The following DIAPH2 variants were observed in gnomAD, a reference collection of about 807,000 sequenced individuals.
The protein encoded by DIAPH2 is diaphanous related formin 2.
A neutral mutation model predicts 92.7 loss-of-function variants in DIAPH2; 35 were observed. The ratio of observed to expected loss-of-function variants is 0.38; its 90% CI spans 0.29 to 0.50. The LOEUF is 0.50. DIAPH2 is among the 20% of genes least tolerant of loss of function. The pLI, the probability that DIAPH2 is intolerant of heterozygous loss-of-function variation, is 0.94. For synonymous variants in DIAPH2, 301 were observed against 280.4 expected (o/e 1.07, Z -0.73); for missense variants, 701 against 819.5 (o/e 0.86, Z 1.77).
intron 23 of DIAPH2, among the ~76,000 whole-genome samples, chrX:97,277,557 C>A (rs770729208): frequency 9.0e-6 from 1 of 110,760 alleles, no homozygotes; most frequent in Admixed American, 9.7e-5. Context: ...TCCAGCTGTA[C>A]AGACTGTATA....
intron 26 of DIAPH2, among the ~76,000 whole-genome samples, chrX:97,502,776 C>A (rs1424597605): frequency 8.9e-6 from 1 of 112,590 alleles, no homozygotes; most frequent in East Asian, 2.8e-4. Flanking sequence ...TCAAATATTT[C>A]CAAAACGTAT....
chrX:96,789,452 C>T (rs1602508710), intron 4 of DIAPH2, among the ~76,000 whole-genome samples: 1 of 112,101 alleles, frequency 8.9e-6, no homozygotes, highest in Non-Finnish European at 1.9e-5. Flanking sequence ...TTCCCAGATA[C>T]CAGCCAAGGG....
intron 15 of DIAPH2, among the ~76,000 whole-genome samples, chrX:96,950,743 T>C (rs1184040236): frequency 8.9e-6 from 1 of 111,952 alleles, no homozygotes; most frequent in Non-Finnish European, 1.9e-5. Flanking sequence ...TTGTTGCCTG[T>C]TGCAGACAGG....
At chrX:97,086,639 A>G (rs2066785063) in intron 19 of DIAPH2, among the ~76,000 whole-genome samples, 1 of 92,576 alleles carries the variant, frequency 1.1e-5, no homozygotes, top group Admixed American at 1.2e-4. Context: ...CATTTTGTAC[A>G]CCATAAATAT....
intron 25 of DIAPH2, among the ~76,000 whole-genome samples, chrX:97,387,822 A>G (rs190527188): frequency 8.9e-6 from 1 of 111,909 alleles, no homozygotes; most frequent in Admixed American, 9.5e-5. Flanking sequence ...GTTAAAGAAG[A>G]TGGTATGCTT....
chrX:97,568,230 T>G (rs2071341591), intron 26 of DIAPH2, among the ~76,000 whole-genome samples: 1 of 110,253 alleles, frequency 9.1e-6, no homozygotes, highest in Non-Finnish European at 1.9e-5. Flanking sequence ...TCTACTACTT[T>G]AATAATTTCA....
intron 19 of DIAPH2, among the ~76,000 whole-genome samples, chrX:97,088,273 A>G (rs1460852582): frequency 8.9e-6 from 1 of 111,797 alleles, no homozygotes; most frequent in African/African-American, 3.2e-5. Flanking sequence ...CTTTTAAAAT[A>G]TGACTTAAAA....
chrX:97,408,829 A>G (rs1419089482), intron 25 of DIAPH2, among the ~76,000 whole-genome samples: 1 of 112,088 alleles, frequency 8.9e-6, no homozygotes, highest in Non-Finnish European at 1.9e-5. Flanking sequence ...GGGAAGATGT[A>G]TAGGTGTGAA....
intron 22 of DIAPH2, among the ~76,000 whole-genome samples, chrX:97,163,831 G>T (rs192279971): frequency 0.011 from 1,199 of 112,197 alleles, 2 homozygotes; most frequent in Middle Eastern, 0.023. Context: ...GCTACTTTCT[G>T]TCTGGCCCCT....
At chrX:96,853,692 C>G (rs2147715121) in intron 4 of DIAPH2, among the ~76,000 whole-genome samples, 1 of 111,997 alleles carries the variant, frequency 8.9e-6, no homozygotes. Flanking sequence ...GTAAAACTTT[C>G]TTAAGCATTA....
intron 17 of DIAPH2, among the ~76,000 whole-genome samples, chrX:97,002,030 G>T (rs1217581345): frequency 9.1e-6 from 1 of 110,290 alleles, no homozygotes; most frequent in African/African-American, 3.3e-5. Flanking sequence ...AAAGGTGATG[G>T]ACAAATACTG....
chrX:97,476,984 T>TACACACAC lies in DIAPH2; in HGVS notation c.3241+47273_3241+47280dup, dbSNP rs1190615516. Among the ~76,000 whole-genome samples the TACACACAC allele has an allele frequency of 7.2e-4, 41 of 57,070 alleles. 1 individual carries two copies. Among genetic ancestry groups the TACACACAC allele is most frequent in the African/African-American group, 3.1e-3 (36 of 11,664 alleles). 49.6% of individuals were successfully genotyped at this position (57,070 alleles called of 115,157 possible). A position where few individuals can be genotyped will look rare whatever the true frequency, so the allele number is the denominator to read the frequency against. ...AAAAAAAAAAATATATATATATATA[T>TACACACAC]ACACACACACACACACACACACACA... On this transcript the variant is annotated intron_variant, in intron 26 of 26. Transcript: ENST00000324765.
chrX:97,456,299 G>A (rs1379531297), intron 26 of DIAPH2, among the ~76,000 whole-genome samples: 13 of 110,358 alleles, frequency 1.2e-4, no homozygotes, highest in East Asian at 2.9e-4. Flanking sequence ...AGGCAGGAGA[G>A]TGGCGTGAAC....
Position 97,249,773 on chromosome X carries a change from T to C in DIAPH2, c.2844+1934T>C, listed in dbSNP as rs1223182231. ...TTCTGGCAATGCTAAAAGAGAAAGA[T>C]ATTTTATTGTGGGATACTTGATCCT... On this transcript the variant is annotated intron_variant, in intron 23 of 26. Transcript: ENST00000324765. Among the ~76,000 whole-genome samples the C allele has an allele frequency of 2.7e-5, 3 of 111,783 alleles. No individual in the cohort carries two copies. The East Asian group carries it at 8.4e-4, about 31-fold the overall frequency.
intron 22 of DIAPH2, among the ~76,000 whole-genome samples, chrX:97,175,087 G>A (rs781274723): frequency 2.7e-5 from 3 of 111,663 alleles, no homozygotes; most frequent in Non-Finnish European, 5.7e-5. Context: ...ATGAAAGAAT[G>A]TTGTTCATGC....
chrX:97,434,040 G>A (rs2070155017), intron 26 of DIAPH2, among the ~76,000 whole-genome samples: 1 of 111,883 alleles, frequency 8.9e-6, no homozygotes, highest in Admixed American at 9.5e-5. Context: ...AAGAAAAACA[G>A]AGGCAAGAAA....
intron 17 of DIAPH2, among the ~76,000 whole-genome samples, chrX:96,981,572 A>G (rs73250770): frequency 1.9e-4 from 21 of 112,073 alleles, no homozygotes; most frequent in South Asian, 1.1e-3. Flanking sequence ...AAGTTTTGAC[A>G]TGGATTATTA....
chrX:97,056,038 A>T (rs188745994), intron 17 of DIAPH2, among the ~76,000 whole-genome samples: 1 of 111,169 alleles, frequency 9.0e-6, no homozygotes, highest in East Asian at 2.8e-4. Context: ...TAGTGCTCTT[A>T]TTTTTCTAGT....
intron 22 of DIAPH2, among the ~76,000 whole-genome samples, chrX:97,147,388 A>G (rs1468085599): frequency 1.8e-5 from 2 of 110,351 alleles, no homozygotes; most frequent in African/African-American, 6.6e-5. Context: ...ATATATATGT[A>G]TGTATATGTA....
Sources: gnomAD v4.1 joint callset for allele counts (sites outside exome capture counted in the v4.1 genomes callset) on GRCh38, gnomAD v4.1.1 for gene constraint, MANE v1.5 for transcripts, NCBI Gene and HGNC (gene_info 2026-07-23, HGNC 2026-07-21) for gene names.